Variants in ELAVL2 observed in about 807,000 individuals in gnomAD.
ELAVL2 encodes the protein ELAV-like protein 2.
In ELAVL2, 4 loss-of-function variants were observed where a neutral mutation model predicts 34.6. The ratio of observed to expected loss-of-function variants is 0.12; its 90% CI spans 0.06 to 0.26. The LOEUF is 0.26. ELAVL2 is among the 10% of genes least tolerant of loss of function. The pLI is 1.00. For missense variants in ELAVL2, 432 were observed against 442.8 expected (o/e 0.98, Z 0.22); for synonymous variants, 193 against 154.8 (o/e 1.25, Z -1.83).
At chr9:23,770,750 C>A (rs1270816289) in intron 1 of ELAVL2, among the ~76,000 whole-genome samples, 1 of 152,172 alleles carries the variant, frequency 6.6e-6, no homozygotes, top group Non-Finnish European at 1.5e-5. Context: ...CTTTGGACTT[C>A]TGATGTTCTT....
upstream of ELAVL2, chr9:23,829,574 G>T (rs578236970): frequency 3.3e-5 from 5 of 152,264 alleles, no homozygotes; most frequent in African/African-American, 9.6e-5. Context: ...GGGGGTTATG[G>T]TTCATACTAT....
In ELAVL2 at chr9:23,709,878, G is replaced by C. The variant is rs543521034; in HGVS notation, c.334-4807C>G. 1.2e-4 allele frequency among the ~76,000 whole-genome samples: 19 copies of C among 152,248 alleles called. No individual in the cohort carries two copies. The South Asian group carries it at 3.9e-3, about 32-fold the overall frequency. ...TTTAAATATTTAAAGATGATACAGG[G>C]AGTACAACACTGAACACCAATCTAC... On this transcript the variant is annotated intron_variant, in intron 3 of 6. Coordinates refer to ENST00000397312, the MANE Select transcript of ELAVL2 (RefSeq NM_004432.5).
rs113223010 is a variant in ELAVL2 at position 23,719,106 on chromosome 9, A to C, written c.333+11916T>G. Among the ~76,000 whole-genome samples the C allele has an allele frequency of 6.7e-3, 1,017 of 152,218 alleles. 17 individuals carry two copies. Among genetic ancestry groups the C allele is most frequent in the African/African-American group, 0.023 (964 of 41,524 alleles). Reference sequence around the variant, plus strand: ...TTTAAAGAGGGGCAGCGAGGAGGGGAACTACCACCTTTATCTTTGTTCTAA... The same window carrying C: ...TTTAAAGAGGGGCAGCGAGGAGGGGCACTACCACCTTTATCTTTGTTCTAA... On this transcript the variant is annotated intron_variant, in intron 3 of 6. Coordinates refer to ENST00000397312, the MANE Select transcript of ELAVL2 (RefSeq NM_004432.5).
intron 1 of ELAVL2, among the ~76,000 whole-genome samples, chr9:23,824,924 G>C (rs909011454): frequency 2.6e-5 from 4 of 152,098 alleles, no homozygotes; most frequent in Non-Finnish European, 4.4e-5. Flanking sequence ...CTGCAGAGGG[G>C]TTCCCCCTCT....
At chr9:23,823,568 ATAAG>A (rs1234189456) in intron 1 of ELAVL2, among the ~76,000 whole-genome samples, 1 of 152,242 alleles carries the variant, frequency 6.6e-6, no homozygotes, top group African/African-American at 2.4e-5. Flanking sequence ...AATGACAGCA[ATAAG>A]TAAGGGCGAG....
At chr9:23,802,137 A>C (rs1426847513) in intron 1 of ELAVL2, among the ~76,000 whole-genome samples, 3 of 152,184 alleles carry the variant, frequency 2.0e-5, no homozygotes, top group Non-Finnish European at 2.9e-5. Context: ...AGGACAATGA[A>C]ACCAATACAG....
At chr9:23,770,211 C>T (rs958251187) in intron 1 of ELAVL2, among the ~76,000 whole-genome samples, 1 of 152,004 alleles carries the variant, frequency 6.6e-6, no homozygotes, top group African/African-American at 2.4e-5. Flanking sequence ...AGTAAGAGTG[C>T]TGTGGAATAC....
the ELAVL2 span, among the ~76,000 whole-genome samples, chr9:23,840,569 TTG>T: frequency 1.3e-5 from 2 of 152,128 alleles, no homozygotes; most frequent in Non-Finnish European, 2.9e-5. Context: ...ATTTTATACT[TTG>T]TGTTATACTG....
At chr9:23,830,407 C>T (rs1188383268), upstream of ELAVL2, 1 of 152,124 alleles carries the variant, frequency 6.6e-6, no homozygotes, top group African/African-American at 2.4e-5. Context: ...TGTCTGTAAA[C>T]TCCTGTTCAA....
At chr9:23,832,357 A>G in the ELAVL2 span, 1 of 152,230 alleles carries the variant, frequency 6.6e-6, no homozygotes, top group Non-Finnish European at 1.5e-5. Context: ...AAAAAATCCC[A>G]GGTATGTACT....
chr9:23,724,599 A>T (rs2044602561), intron 3 of ELAVL2, among the ~76,000 whole-genome samples: 1 of 152,192 alleles, frequency 6.6e-6, no homozygotes, highest in Non-Finnish European at 1.5e-5. Context: ...AATAACAATA[A>T]AAAAGTCATC....
At chr9:23,769,195 T>C (rs2056870059) in intron 1 of ELAVL2, among the ~76,000 whole-genome samples, 1 of 151,720 alleles carries the variant, frequency 6.6e-6, no homozygotes, top group Non-Finnish European at 1.5e-5. Context: ...GAGCCAAACA[T>C]ACAAAACACA....
rs146399606 is a variant in ELAVL2, at chr9:23,742,599, C to T, written c.230-11474G>A. Among the ~76,000 whole-genome samples, 69 of 152,152 alleles carry T rather than the reference C, an allele frequency of 4.5e-4. 1 individual carries two copies. The East Asian group carries it at 0.01, about 22-fold the overall frequency. On this transcript the variant is annotated intron_variant, in intron 2 of 6. Coordinates refer to ENST00000397312, the MANE Select transcript of ELAVL2 (RefSeq NM_004432.5). ...TGATCATAAAGTATCTGCTATAGACCGATATGTACAACCCTTCCACCGGGG... is the reference window on the plus strand; with the variant it reads ...TGATCATAAAGTATCTGCTATAGACTGATATGTACAACCCTTCCACCGGGG...
chr9:23,770,239 G>A (rs532518191), intron 1 of ELAVL2, among the ~76,000 whole-genome samples: 93 of 152,210 alleles, frequency 6.1e-4, no homozygotes, highest in African/African-American at 2.0e-3. Context: ...GAAGAATAAG[G>A]GGGGTTGAAA....
At chr9:23,772,781 C>A (rs1247449953) in intron 1 of ELAVL2, among the ~76,000 whole-genome samples, 3 of 152,002 alleles carry the variant, frequency 2.0e-5, no homozygotes, top group Non-Finnish European at 4.4e-5. Context: ...ATGTGTTTTT[C>A]TTTTCTGTTG....
chr9:23,798,101 G>A (rs566511881), intron 1 of ELAVL2, among the ~76,000 whole-genome samples: 1 of 152,306 alleles, frequency 6.6e-6, no homozygotes, highest in Non-Finnish European at 1.5e-5. Context: ...AAGCAATAGG[G>A]AGCCACTGAA....
chr9:23,796,752 A>C (rs2060980195), intron 1 of ELAVL2, among the ~76,000 whole-genome samples: 1 of 152,144 alleles, frequency 6.6e-6, no homozygotes. Flanking sequence ...TTTTTTCAAA[A>C]CAGAGTAATA....
At chr9:23,751,687 T>C (rs745558593) in intron 2 of ELAVL2, among the ~76,000 whole-genome samples, 2 of 152,144 alleles carry the variant, frequency 1.3e-5, no homozygotes, top group Non-Finnish European at 2.9e-5. Flanking sequence ...CCGCAGTTGG[T>C]TTTTATCTAA....
chr9:23,765,862 C>G (rs945129856), intron 1 of ELAVL2, among the ~76,000 whole-genome samples: 1 of 152,094 alleles, frequency 6.6e-6, no homozygotes, highest in African/African-American at 2.4e-5. Flanking sequence ...AAACCCAGCA[C>G]GATTTGAAAT....
Sources: gnomAD v4.1 joint callset for allele counts (sites outside exome capture counted in the v4.1 genomes callset) on GRCh38, gnomAD v4.1.1 for gene constraint, MANE v1.5 for transcripts, NCBI Gene and HGNC (gene_info 2026-07-23, HGNC 2026-07-21) for gene names.